PAMR1: variants seen among roughly 807,000 people sequenced by gnomAD.
PAMR1 encodes inactive serine protease PAMR1.
PAMR1 carries 88 observed loss-of-function variants against 81.8 expected under a neutral mutation model. The observed-to-expected ratio is 1.08, with a 90% confidence interval of 0.91 to 1.28. The LOEUF (loss-of-function observed/expected upper bound fraction) is 1.28, where lower values mean the gene tolerates loss of function less well. Ranked by LOEUF, PAMR1 falls within the 50% of genes most tolerant of loss-of-function variation. The pLI is 0.00. For synonymous variants in PAMR1, 336 were observed against 345.3 expected, an observed-to-expected ratio of 0.97 and a Z score of 0.30; for missense variants, 935 against 919.7, an observed-to-expected ratio of 1.02 and a Z score of -0.21.
rs566168377 is a variant in PAMR1 at position 35,489,710 on chromosome 11, T to A, written c.379+2335A>T. Among the ~76,000 whole-genome samples the A allele has an allele frequency of 2.1e-4, 32 of 152,280 alleles. 1 individual carries two copies. Among genetic ancestry groups the A allele is most frequent in the Admixed American group, 2.1e-3 (32 of 15,302 alleles). ...ACCTTGCATTTTCACACCCTGACCA[T>A]ACTATCCCTCTCCCTGAAATATCTT... On this transcript the variant is annotated intron_variant, in intron 3 of 10. Transcript: ENST00000619888.
At chr11:35,522,344 A>G (rs1186778400) in intron 1 of PAMR1, among the ~76,000 whole-genome samples, 2 of 152,164 alleles carry the variant, frequency 1.3e-5, no homozygotes, top group East Asian at 3.8e-4. Flanking sequence ...CCCATCAAAT[A>G]ATAACTCCCA....
At chr11:35,474,799 CT>C in intron 3 of PAMR1, 55 bp from the exon 4 acceptor site, 1 of 1,193,148 alleles carries the variant, frequency 8.4e-7, no homozygotes. Flanking sequence ...AGGAAAGAGA[CT>C]AGAGAAGGTC....
At chr11:35,498,061 T>C (rs901882606) in intron 1 of PAMR1, among the ~76,000 whole-genome samples, 2 of 152,238 alleles carry the variant, frequency 1.3e-5, no homozygotes, top group Non-Finnish European at 2.9e-5. Context: ...AGTTCTTGTT[T>C]ACATCACATG....
intron 3 of PAMR1, among the ~76,000 whole-genome samples, chr11:35,487,573 C>T (rs638035): frequency 0.08 from 12,205 of 152,258 alleles, 637 homozygotes; most frequent in African/African-American, 0.14. Flanking sequence ...TCCTCCGTCT[C>T]GCTTGGATAT....
At chr11:35,521,330 C>T (rs2135427357) in intron 1 of PAMR1, among the ~76,000 whole-genome samples, 1 of 152,346 alleles carries the variant, frequency 6.6e-6, no homozygotes, top group African/African-American at 2.4e-5. Flanking sequence ...TCCCTTGTTT[C>T]CCTCCATTCA....
chr11:35,451,030 C>T (rs1001149573), intron 6 of PAMR1, among the ~76,000 whole-genome samples: 1 of 152,216 alleles, frequency 6.6e-6, no homozygotes, highest in African/African-American at 2.4e-5. Context: ...TCTTGGAATA[C>T]TGAGAGAAAA....
At chr11:35,475,501 G>C (rs1850269305) in intron 3 of PAMR1, among the ~76,000 whole-genome samples, 1 of 152,196 alleles carries the variant, frequency 6.6e-6, no homozygotes, top group Non-Finnish European at 1.5e-5. Context: ...CCTAAGATTT[G>C]AAAACCACCG....
chr11:35,436,040 AG>A lies in PAMR1; in HGVS notation c.1195del (p.Leu399CysfsTer32). 2.5e-6 allele frequency: 4 copies of A among 1,614,098 alleles called. No individual in the cohort carries two copies. Among genetic ancestry groups the A allele is most frequent in the Non-Finnish European group, 3.4e-6 (4 of 1,179,962 alleles). ...ATGCAGATGTTGGTATCCCATGGGC[AG>A]ATCTCCAAAGGGAAGGGCTGGCTTC... is the stretch of plus-strand genomic sequence containing the variant. ...TKKPALPFGDLPMGYQHLHTQ... is the reference protein window; with the variant it reads ...TKKPALPFGDXPMGYQHLHTQ... On this transcript the variant is annotated frameshift_variant, in exon 9 of 11. Transcript: ENST00000619888. LOFTEE classifies it high-confidence loss of function.
intron 6 of PAMR1, among the ~76,000 whole-genome samples, chr11:35,458,102 G>C (rs1856572412): frequency 6.6e-6 from 1 of 152,136 alleles, no homozygotes; most frequent in Admixed American, 6.5e-5. Flanking sequence ...TTTCAGGAAA[G>C]GGAGAATGAT....
chr11:35,529,021 G>C (rs1418714411), upstream of PAMR1: 3 of 152,202 alleles, frequency 2.0e-5, no homozygotes, highest in African/African-American at 7.2e-5. Context: ...ACACAGAAAA[G>C]TCAGTAGTTT....
chr11:35,480,908 T>C (rs1362478744), intron 3 of PAMR1, among the ~76,000 whole-genome samples: 2 of 152,156 alleles, frequency 1.3e-5, no homozygotes, highest in Admixed American at 6.5e-5. Flanking sequence ...CCTATGTCCA[T>C]GTATTCTCAT....
In PAMR1 at chr11:35,432,086, G is replaced by T; in HGVS notation, c.*270C>A. 1 of 440,328 alleles carries T rather than the reference G, an allele frequency of 2.3e-6. No homozygotes were observed. Among genetic ancestry groups the T allele is most frequent in the Non-Finnish European group, 4.1e-6 (1 of 244,438 alleles). The allele number at this position is 440,328 out of a possible 1,614,324, so 27.3% of individuals were successfully genotyped here. A position where few individuals can be genotyped will look rare whatever the true frequency, so the allele number is the denominator to read the frequency against. ...GGAAGACCACCAGGTCAGTGGAGTG[G>T]AGAGGTTTTGTATATGGTCTTCTTT... is the stretch of plus-strand genomic sequence containing the variant. On this transcript the variant is annotated 3_prime_UTR_variant, in exon 11 of 11. Coordinates refer to ENST00000619888, the MANE Select transcript of PAMR1 (RefSeq NM_001001991.3).
chr11:35,527,521 A>G (rs1851412006), upstream of PAMR1, among the ~76,000 whole-genome samples: 1 of 152,202 alleles, frequency 6.6e-6, no homozygotes, highest in South Asian at 2.1e-4. Context: ...GTAGCCTTAA[A>G]CAGGAGCAGA....
At chr11:35,442,103 C>A (rs905585314) in intron 6 of PAMR1, among the ~76,000 whole-genome samples, 65 of 152,322 alleles carry the variant, frequency 4.3e-4, no homozygotes, top group African/African-American at 1.4e-3. Flanking sequence ...CAATTAAAAA[C>A]TATTCCATTT....
intron 6 of PAMR1, among the ~76,000 whole-genome samples, chr11:35,454,383 A>G (rs937992000): frequency 6.6e-6 from 1 of 152,200 alleles, no homozygotes; most frequent in South Asian, 2.1e-4. Flanking sequence ...GAAGTTTACA[A>G]GCCCAAACAG....
intron 1 of PAMR1, among the ~76,000 whole-genome samples, chr11:35,510,934 T>G (rs1254194226): frequency 6.6e-6 from 1 of 152,240 alleles, no homozygotes; most frequent in Non-Finnish European, 1.5e-5. Flanking sequence ...CATCCTGGCA[T>G]CTCCTATCTA....
intron 6 of PAMR1, chr11:35,452,021 G>A (rs1856430333): frequency 4.0e-6 from 2 of 495,538 alleles, no homozygotes; most frequent in Non-Finnish European, 7.1e-6. Flanking sequence ...AAGACAGAAG[G>A]CAAGACTGAA....
chr11:35,519,680 T>C (rs1851235796), intron 1 of PAMR1, among the ~76,000 whole-genome samples: 1 of 152,192 alleles, frequency 6.6e-6, no homozygotes, highest in South Asian at 2.1e-4. Context: ...GATGCCTCTG[T>C]CTTTTTCCTG....
In PAMR1 at chr11:35,432,902, C is replaced by T. The variant is rs748783374; in HGVS notation, c.1627-10G>A. The T allele has an allele frequency of 3.2e-6, 5 of 1,559,338 alleles. No homozygotes were observed. In the South Asian group the frequency reaches 4.8e-5, roughly 15 times the overall value. ...GAATGATAGCAGAAATCTACAAATG[C>T]AAGGAATGGGCAGCAATGGTGAGGA... On this transcript the variant is annotated splice_polypyrimidine_tract_variant and intron_variant, in intron 10 of 10. Coordinates refer to ENST00000619888, the MANE Select transcript of PAMR1 (RefSeq NM_001001991.3).
Sources: allele counts gnomAD v4.1 joint callset (sites outside exome capture counted in the v4.1 genomes callset), GRCh38; gene constraint gnomAD v4.1.1; transcripts MANE v1.5; gene names NCBI Gene and HGNC (gene_info 2026-07-23, HGNC 2026-07-21).